C1orf167: variants seen among roughly 807,000 people sequenced by gnomAD.
C1orf167 encodes uncharacterized protein C1orf167.
C1orf167 carries 153 observed loss-of-function variants against 176.5 expected under a neutral mutation model. The observed-to-expected ratio is 0.87, with a 90% CI of 0.76 to 0.99. The LOEUF is 0.99. C1orf167 is among the 50% of genes least tolerant of loss of function. The pLI is 0.00. For synonymous variants in C1orf167, 594 were observed against 752.7 expected (o/e 0.79, Z 3.45); for missense variants, 1,490 against 1,817.7 (o/e 0.82, Z 3.28).
At position 11,762,306 on chromosome 1, in the gene C1orf167, G is replaced by A. The variant is rs375693761; in HGVS notation, c.-71+1G>A. ...GAGGACCCGAGGAGGACCCACGCAC[G>A]TGAGGGCAGATCCATGAGGGCAGGA... On this transcript the variant is annotated splice_donor_variant, in intron 1 of 20. Coordinates refer to ENST00000688073, the MANE Select transcript of C1orf167 (RefSeq NM_001010881.2). LOFTEE classifies it low-confidence loss of function (5UTR_SPLICE). The A allele has an allele frequency of 2.6e-6, 1 of 389,596 alleles. No homozygotes were observed. Among genetic ancestry groups the A allele is most frequent in the South Asian group, 1.8e-5 (1 of 54,176 alleles). The allele number at this position is 389,596 out of a possible 1,614,324, so 24.1% of individuals were successfully genotyped here. A position where few individuals can be genotyped will look rare whatever the true frequency, so the allele number is the denominator to read the frequency against.
rs1459042375 is a variant in C1orf167, at chr1:11,764,467, C to G, written c.67C>G (p.Pro23Ala). 2 of 1,289,404 alleles carry G rather than the reference C, an allele frequency of 1.6e-6. No homozygotes were observed. The highest frequency in any genetic ancestry group is 1.2e-5 in the South Asian group (1 of 81,036). 79.9% of individuals were successfully genotyped at this position (1,289,404 alleles called of 1,614,324 possible). ...CCCAAAGCCTGCAGCGCTCCCGAAGCCAGGCAAGAGGCTTAGTGGGCCTGG... is the reference window on the plus strand; with the variant it reads ...CCCAAAGCCTGCAGCGCTCCCGAAGGCAGGCAAGAGGCTTAGTGGGCCTGG... ...VSPKPAALPK[P>A]EQRRFRRSLG... The change falls in exon 2 of 21, where the codon CCA becomes GCA. Residue 23 changes from proline to alanine, a missense_variant. Physicochemically the swap from Pro to Ala is conservative, Grantham distance 27. Coordinates refer to ENST00000688073, the MANE Select transcript of C1orf167 (RefSeq NM_001010881.2).
intron 1 of C1orf167, among the ~76,000 whole-genome samples, chr1:11,763,305 G>A (rs1642615961): frequency 6.6e-6 from 1 of 152,156 alleles, no homozygotes; most frequent in South Asian, 2.1e-4. Context: ...GTCTGGCGTG[G>A]TGGCATGTGC....
chr1:11,767,118 G>C, intron 3 of C1orf167, 33 bp downstream of exon 3: 1 of 1,263,840 alleles, frequency 7.9e-7, no homozygotes, highest in South Asian at 1.3e-5. Context: ...GGTGGGGTAG[G>C]GGGTAGGAGG....
chr1:11,768,460 C>T lies in C1orf167; in HGVS notation c.1542+185C>T. On this transcript the variant is annotated intron_variant, in intron 5 of 20. Coordinates refer to ENST00000688073, the MANE Select transcript of C1orf167 (RefSeq NM_001010881.2). The surrounding 1 kb of genome is among the most constrained non-coding windows in gnomAD (Gnocchi z 4.5). ...TCTGCCTGAGTTCAAATCCTGCCCC[C>T]TCTACCACTTTCTAGCTGCGTGACC... The T allele has an allele frequency of 2.2e-6, 1 of 463,746 alleles. No individual in the cohort carries two copies. Among genetic ancestry groups the T allele is most frequent in the Non-Finnish European group, 3.5e-6 (1 of 286,410 alleles). 28.7% of individuals were successfully genotyped at this position (463,746 alleles called of 1,614,324 possible).
chr1:11,784,443 C>T lies in C1orf167; in HGVS notation c.3275C>T (p.Pro1092Leu), dbSNP rs1470612475. ...GCCTTCCCAGCATGGCCAGTGGCCC[C>T]GGGCATGCACCATGAGGCCCAGCAG... ...PQAFPAWPVA[P>L]GMHHEAQQQA... Residue 1092 changes from proline to leucine, a missense_variant, in exon 15 of 21, where the codon CCG becomes CTG. By Grantham distance (98) the Pro-to-Leu change is moderately conservative. Coordinates refer to ENST00000688073, the MANE Select transcript of C1orf167 (RefSeq NM_001010881.2). The T allele has an allele frequency of 6.1e-6, 8 of 1,303,516 alleles. No homozygotes were observed. Among genetic ancestry groups the T allele is most frequent in the Middle Eastern group, 2.3e-4 (1 of 4,414 alleles). 80.7% of individuals were successfully genotyped at this position (1,303,516 alleles called of 1,614,324 possible).
At chr1:11,771,049 G>GTATA (rs869122966) in intron 6 of C1orf167, among the ~76,000 whole-genome samples, 3 of 34,908 alleles carry the variant, frequency 8.6e-5, no homozygotes, top group African/African-American at 3.0e-4. Context: ...GTGTGTGTGT[G>GTATA]TATATATATA....
rs1457065992 is a variant in C1orf167, at chr1:11,766,192, T to C, written c.406T>C (p.Cys136Arg). 7.8e-7 allele frequency: 1 copy of C among 1,289,736 alleles called. No homozygotes were observed. The allele number at this position is 1,289,736 out of a possible 1,614,324, so 79.9% of individuals were successfully genotyped here. A position where few individuals can be genotyped will look rare whatever the true frequency, so the allele number is the denominator to read the frequency against. ...SINETSSPHL[C>R]PEPGGSSGPH... ...CAACGAGACCAGCAGCCCCCACCTC[T>C]GCCCAGAGCCTGGGGGAAGCTCTGG... Residue 136 changes from cysteine to arginine, a missense_variant, in exon 3 of 21, where the codon TGC becomes CGC. Transcript: ENST00000688073. The surrounding 1 kb of genome is among the most constrained non-coding windows in gnomAD (Gnocchi z 4.5).
rs1466111457 is a variant in C1orf167, at chr1:11,788,038, G to A, written c.3839G>A (p.Arg1280Gln). ...ACKAQSKAHK[R>Q]RLRARSCRIL... ...AAAGCCCAAAGCAAGGCCCATAAAC[G>A]GAGGCTACGGTAAGAGGAGCTGTGT... The change falls in exon 18 of 21, where the codon CGG (arginine) becomes CAG (glutamine). Residue 1280 changes from arginine (R) to glutamine (Q), a missense_variant. Physicochemically the swap from Arg to Gln is conservative, Grantham distance 43. Coordinates refer to ENST00000688073, the MANE Select transcript of C1orf167 (RefSeq NM_001010881.2). 5 of 1,296,404 alleles carry A rather than the reference G, an allele frequency of 3.9e-6. No homozygotes were observed. Among genetic ancestry groups the A allele is most frequent in the Admixed American group, 2.3e-5 (1 of 42,712 alleles). The allele number at this position is 1,296,404 out of a possible 1,614,324, so 80.3% of individuals were successfully genotyped here.
chr1:11,764,560 C>G, intron 2 of C1orf167, 90 bp downstream of exon 2: 3 of 1,119,360 alleles, frequency 2.7e-6, no homozygotes, highest in Non-Finnish European at 3.6e-6. Context: ...GGCAGGCCAG[C>G]CTATAGGGCC....
chr1:11,782,432 A>G (rs1248416854), intron 14 of C1orf167, 99 bp downstream of exon 14: 1 of 1,102,794 alleles, frequency 9.1e-7, no homozygotes. Flanking sequence ...TGGCCCAGAT[A>G]GGAGGCCTGT....
At chr1:11,762,760 C>G (rs999736284) in intron 1 of C1orf167, among the ~76,000 whole-genome samples, 4 of 152,224 alleles carry the variant, frequency 2.6e-5, no homozygotes, top group African/African-American at 9.6e-5. Flanking sequence ...CATTTACAAG[C>G]CCCTGCTGGG....
At chr1:11,778,416 G>A in intron 10 of C1orf167, 2 of 248,776 alleles carry the variant, frequency 8.0e-6, no homozygotes, top group Non-Finnish European at 8.1e-6. Context: ...CATTAAGTCA[G>A]AATCTAGCAG....
Position 11,766,863 on chromosome 1 carries a change from CT to C in C1orf167, c.1078del (p.Trp360GlyfsTer104). The C allele has an allele frequency of 7.8e-7, 1 of 1,277,994 alleles. No homozygotes were observed. The allele number at this position is 1,277,994 out of a possible 1,614,324, so 79.2% of individuals were successfully genotyped here. On this transcript the variant is annotated frameshift_variant, in exon 3 of 21. Coordinates refer to ENST00000688073, the MANE Select transcript of C1orf167 (RefSeq NM_001010881.2). LOFTEE classifies it high-confidence loss of function. This position sits in a 1 kb window ranked among gnomAD's most constrained non-coding sequence, Gnocchi z 4.5. ...TAGGGTCAGGGGACAGCTGCTCCCC[CT>C]GGTCTCAAGATGGCAGGGCACAGAG... ...PLGSGDSCSP[W>X]SQDGRAQRGD...
intron 8 of C1orf167, 74 bp from the exon 9 acceptor site, chr1:11,775,361 G>A: frequency 3.5e-6 from 4 of 1,152,998 alleles, no homozygotes; most frequent in Non-Finnish European, 4.5e-6. Context: ...AGTGTGTCTG[G>A]CAATGGCAGG....
At position 11,779,516 on chromosome 1, in the gene C1orf167, C is replaced by T. The variant is rs889417634; in HGVS notation, c.2652-286C>T. The T allele has an allele frequency of 1.6e-5, 4 of 245,002 alleles. No individual in the cohort carries two copies. In the Admixed American group the frequency reaches 1.9e-4, roughly 12 times the overall value. 15.2% of individuals were successfully genotyped at this position (245,002 alleles called of 1,614,324 possible). On this transcript the variant is annotated intron_variant, in intron 12 of 20. Transcript: ENST00000688073. ...ACATTCCCCAATGCCGTGTGTGGCA[C>T]GTTGTGAGTGCTCAGTCCATAGCAA...
chr1:11,767,755 G>T (rs1168741306), intron 4 of C1orf167, among the ~76,000 whole-genome samples: 1 of 152,116 alleles, frequency 6.6e-6, no homozygotes, highest in Non-Finnish European at 1.5e-5. Context: ...GAGCCCAGGA[G>T]GTCGAGGCTG....
Position 11,768,401 on chromosome 1 carries a change from G to T in C1orf167, c.1542+126G>T, listed in dbSNP as rs1161340414. 7 of 847,304 alleles carry T rather than the reference G, an allele frequency of 8.3e-6. No individual in the cohort carries two copies. In the South Asian group the frequency reaches 1.2e-4, roughly 14 times the overall value. The allele number at this position is 847,304 out of a possible 1,614,324, so 52.5% of individuals were successfully genotyped here. A position where few individuals can be genotyped will look rare whatever the true frequency, so the allele number is the denominator to read the frequency against. ...CACCTCATGAATGATCAGCAGTAAA[G>T]GGTGTAGTTGTGAGTCCACACACCT... is the stretch of plus-strand genomic sequence containing the variant. On this transcript the variant is annotated intron_variant, in intron 5 of 20. Transcript: ENST00000688073. The surrounding 1 kb of genome is among the most constrained non-coding windows in gnomAD (Gnocchi z 4.5).
intron 2 of C1orf167, among the ~76,000 whole-genome samples, chr1:11,764,870 T>C (rs6677253): frequency 0.68 from 103,834 of 151,786 alleles, 35,880 homozygotes; most frequent in Admixed American, 0.77. Flanking sequence ...GCCTGGCCAA[T>C]GTGGTGAAAC....
rs750808883 is a variant in C1orf167 at position 11,782,264 on chromosome 1, G to C, written c.2936G>C (p.Arg979Pro). ...HLQGLQKVVF[R>P]SWQQAAAHQR... Reference sequence around the variant, plus strand: ...CAGGGCCTGCAGAAGGTGGTGTTCCGGAGCTGGCAGCAGGCAGCAGCTCAT... The same window carrying C: ...CAGGGCCTGCAGAAGGTGGTGTTCCCGAGCTGGCAGCAGGCAGCAGCTCAT... The change falls in exon 14 of 21, where the codon CGG (arginine) becomes CCG (proline). Residue 979 changes from arginine (R) to proline (P), a missense_variant. Arg to Pro is a moderately radical substitution (Grantham distance 103, BLOSUM62 -2). Coordinates refer to ENST00000688073, the MANE Select transcript of C1orf167 (RefSeq NM_001010881.2). 7.7e-7 allele frequency: 1 copy of C among 1,301,546 alleles called. No individual in the cohort carries two copies. Among genetic ancestry groups the C allele is most frequent in the Non-Finnish European group, 1.0e-6 (1 of 988,086 alleles). 80.6% of individuals were successfully genotyped at this position (1,301,546 alleles called of 1,614,324 possible).
Sources: allele counts gnomAD v4.1 joint callset (sites outside exome capture counted in the v4.1 genomes callset), GRCh38; gene constraint gnomAD v4.1.1; non-coding constraint Gnocchi (gnomAD v3.1); transcripts MANE v1.5; gene names NCBI Gene and HGNC (gene_info 2026-07-23, HGNC 2026-07-21).